The following PRKCE variants were observed in gnomAD, a reference collection of about 807,000 sequenced individuals.
PRKCE encodes protein kinase C epsilon type.
PRKCE carries 16 observed loss-of-function variants against 85.4 expected under a neutral mutation model. The ratio of observed to expected loss-of-function variants is 0.19; its 90% CI spans 0.13 to 0.28. The LOEUF (loss-of-function observed/expected upper bound fraction) is 0.28, where lower values mean the gene tolerates loss of function less well. PRKCE is among the 10% of genes least tolerant of loss of function. PRKCE has a pLI of 1.00. For synonymous variants in PRKCE, 388 were observed against 371.5 expected (o/e 1.04, Z -0.51); for missense variants, 573 against 975.2 (o/e 0.59, Z 5.49).
chr2:46,134,884 C>T (rs1283468414), intron 11 of PRKCE, among the ~76,000 whole-genome samples: 1 of 152,214 alleles, frequency 6.6e-6, no homozygotes, highest in African/African-American at 2.4e-5. Flanking sequence ...TGCTTCCCCT[C>T]AGCAGGGATC....
intron 9 of PRKCE, 92 bp downstream of exon 9, chr2:46,007,753 C>A: frequency 7.3e-7 from 1 of 1,360,932 alleles, no homozygotes; most frequent in Non-Finnish European, 1.0e-6. Context: ...AGGAACCTTT[C>A]AGCCTGATCT....
At chr2:46,020,095 C>G (rs1574249818) in intron 10 of PRKCE, among the ~76,000 whole-genome samples, 1 of 152,234 alleles carries the variant, frequency 6.6e-6, no homozygotes, top group East Asian at 1.9e-4. Context: ...AGTGATCCGC[C>G]TGCCTCGGCC....
intron 14 of PRKCE, among the ~76,000 whole-genome samples, chr2:46,172,150 T>C (rs1249745332): frequency 6.6e-6 from 1 of 152,206 alleles, no homozygotes; most frequent in East Asian, 1.9e-4. Context: ...CCAGAGACTC[T>C]GCAGCGTTCA....
intron 1 of PRKCE, among the ~76,000 whole-genome samples, chr2:45,803,225 G>T (rs142099767): frequency 2.3e-4 from 35 of 152,334 alleles, no homozygotes; most frequent in African/African-American, 7.5e-4. Flanking sequence ...ACAAGATTTG[G>T]TCTATACCTA....
chr2:45,885,215 A>G (rs553836719), intron 2 of PRKCE, among the ~76,000 whole-genome samples: 35 of 152,206 alleles, frequency 2.3e-4, no homozygotes, highest in South Asian at 8.3e-4. Context: ...TTCCCCAGAA[A>G]GAATTATGTT....
rs560642897 is a variant in PRKCE, at chr2:45,762,574, T to C, written c.349-80426T>C. ...ATGGCATCTTGTGCCTGGCTCTATC[T>C]GGAAGAGCTTGCCTGGGAAGGCAAG... is the stretch of plus-strand genomic sequence containing the variant. On this transcript the variant is annotated intron_variant, in intron 1 of 14. Transcript: ENST00000306156. Among the ~76,000 whole-genome samples the C allele has an allele frequency of 7.9e-5, 12 of 152,330 alleles. No homozygotes were observed. The South Asian group carries it at 1.0e-3, about 13-fold the overall frequency.
chr2:45,841,367 G>A lies in PRKCE; in HGVS notation c.349-1633G>A, dbSNP rs527635818. Among the ~76,000 whole-genome samples the A allele has an allele frequency of 4.6e-5, 7 of 152,296 alleles. No individual in the cohort carries two copies. In the South Asian group the frequency reaches 1.4e-3, roughly 32 times the overall value. ...TCAGTATGTGGCTGAAGGCCCAAGA[G>A]CCCCTGGCAAACCACTGGTGTAAGT... On this transcript the variant is annotated intron_variant, in intron 1 of 14. Coordinates refer to ENST00000306156, the MANE Select transcript of PRKCE (RefSeq NM_005400.3).
At chr2:46,047,675 C>T (rs963590900) in intron 10 of PRKCE, among the ~76,000 whole-genome samples, 5 of 152,204 alleles carry the variant, frequency 3.3e-5, no homozygotes, top group African/African-American at 1.2e-4. Flanking sequence ...TTGTTGAAAG[C>T]TTCAAATCAA....
intron 11 of PRKCE, among the ~76,000 whole-genome samples, chr2:46,092,118 G>C (rs962869581): frequency 5.3e-5 from 8 of 152,328 alleles, no homozygotes; most frequent in African/African-American, 1.9e-4. Flanking sequence ...CACTTGTGAA[G>C]TTTAGATAGT....
At chr2:46,017,432 A>G (rs1392448195) in intron 10 of PRKCE, among the ~76,000 whole-genome samples, 1 of 152,210 alleles carries the variant, frequency 6.6e-6, no homozygotes, top group Non-Finnish European at 1.5e-5. Context: ...TGTGTATAAT[A>G]TCACATTTCA....
intron 10 of PRKCE, among the ~76,000 whole-genome samples, chr2:46,045,143 A>G (rs958155976): frequency 6.6e-6 from 1 of 152,226 alleles, no homozygotes; most frequent in Non-Finnish European, 1.5e-5. Flanking sequence ...TAGGGTAGAC[A>G]ACCTAGGGTA....
At chr2:45,710,437 G>A (rs1434692792) in intron 1 of PRKCE, among the ~76,000 whole-genome samples, 3 of 152,210 alleles carry the variant, frequency 2.0e-5, no homozygotes, top group Non-Finnish European at 2.9e-5. Flanking sequence ...CCTCCTGAGA[G>A]CTTTGCTCTC....
chr2:46,109,095 A>G (rs781722353), intron 11 of PRKCE, among the ~76,000 whole-genome samples: 2 of 152,134 alleles, frequency 1.3e-5, no homozygotes, highest in African/African-American at 4.8e-5. Flanking sequence ...CTTGATTACT[A>G]TAGCTTTATA....
In PRKCE at chr2:45,885,002, T is replaced by TTTTTTTTTTTTTG. The variant is rs375477829; in HGVS notation, c.412+41941_412+41942insTTTTTTTTTTGTT. ...ATATATATATATATATATATATATA[T>TTTTTTTTTTTTTG]TTGTTGTTGTTGTTGTTGTTTTACC... On this transcript the variant is annotated intron_variant, in intron 2 of 14. Coordinates refer to ENST00000306156, the MANE Select transcript of PRKCE (RefSeq NM_005400.3). 2.7e-3 allele frequency among the ~76,000 whole-genome samples: 262 copies of TTTTTTTTTTTTTG among 97,624 alleles called. 9 individuals are homozygous for TTTTTTTTTTTTTG. The highest frequency in any genetic ancestry group is 4.4e-3 in the Non-Finnish European group (208 of 47,588). The allele number at this position is 97,624 out of a possible 152,430, so 64.0% of individuals were successfully genotyped here.
intron 10 of PRKCE, among the ~76,000 whole-genome samples, chr2:46,054,353 A>T (rs1348549788): frequency 3.3e-5 from 5 of 152,212 alleles, no homozygotes; most frequent in Non-Finnish European, 7.3e-5. Flanking sequence ...AACACGCAGG[A>T]CATTAAGTGA....
intron 1 of PRKCE, among the ~76,000 whole-genome samples, chr2:45,726,039 C>T (rs969196677): frequency 6.6e-6 from 1 of 152,100 alleles, no homozygotes; most frequent in African/African-American, 2.4e-5. Context: ...TGGAGCCTGG[C>T]GATGTGACTG....
At chr2:46,156,940 C>T (rs1389879712) in intron 13 of PRKCE, among the ~76,000 whole-genome samples, 1 of 152,162 alleles carries the variant, frequency 6.6e-6, no homozygotes, top group Admixed American at 6.5e-5. Context: ...TATATACAAG[C>T]AATACAAATA....
chr2:46,155,035 T>C lies in PRKCE; in HGVS notation c.1920+3806T>C, dbSNP rs78282914. Among the ~76,000 whole-genome samples the C allele has an allele frequency of 0.067, 10,206 of 152,140 alleles. 358 individuals carry two copies. The highest frequency in any genetic ancestry group is 0.082 in the Middle Eastern group (24 of 294). On this transcript the variant is annotated intron_variant, in intron 13 of 14. Transcript: ENST00000306156. This position sits in a 1 kb window ranked among gnomAD's most constrained non-coding sequence, Gnocchi z 4.7. The stretch of plus-strand genomic sequence containing the variant: ...TCTCTGTTCTTTCCATTTTATCACA[T>C]ATTTCAAAGTTAAATGCCTGCAAGA...
At chr2:45,751,607 C>G (rs72886127) in intron 1 of PRKCE, among the ~76,000 whole-genome samples, 5,748 of 152,122 alleles carry the variant, frequency 0.038, 354 homozygotes, top group African/African-American at 0.13. Context: ...TTCTCAAATC[C>G]TCCGCAGCTT....
Sources: allele counts gnomAD v4.1 joint callset (sites outside exome capture counted in the v4.1 genomes callset), GRCh38; gene constraint gnomAD v4.1.1; non-coding constraint Gnocchi (gnomAD v3.1); transcripts MANE v1.5; gene names NCBI Gene and HGNC (gene_info 2026-07-23, HGNC 2026-07-21).